Variants in GRIA1 observed in about 807,000 individuals in gnomAD.
The protein encoded by GRIA1 is glutamate ionotropic receptor AMPA type subunit 1, also known as glutamate receptor 1.
Under a neutral mutation model 99.2 loss-of-function variants are expected in GRIA1, and 31 were observed. The observed-to-expected ratio is 0.31, with a 90% confidence interval of 0.23 to 0.42. The LOEUF (loss-of-function observed/expected upper bound fraction) is 0.42. Ranked by LOEUF, GRIA1 falls within the 10% of genes least tolerant of loss-of-function variation. The pLI is 1.00. For missense variants in GRIA1, 782 were observed against 1,157.5 expected (o/e 0.68, Z 4.71); for synonymous variants, 438 against 432.4 (o/e 1.01, Z -0.16).
chr5:153,734,932 G>A lies in GRIA1; in HGVS notation c.1823+28865G>A, dbSNP rs539777583. On this transcript the variant is annotated intron_variant, in intron 11 of 15. Transcript: ENST00000285900. Reference sequence around the variant, plus strand: ...TTTGATCTGATTTACATTTTTAAAGGATCTCTCTCTAACTTAGTGGTTCTC... The same window carrying A: ...TTTGATCTGATTTACATTTTTAAAGAATCTCTCTCTAACTTAGTGGTTCTC... Among the ~76,000 whole-genome samples, 20 of 152,182 alleles carry A rather than the reference G, an allele frequency of 1.3e-4. No homozygotes were observed. The South Asian group carries it at 4.1e-3, about 32-fold the overall frequency.
Position 153,805,365 on chromosome 5 carries a change from T to C in GRIA1, c.2520+2875T>C, listed in dbSNP as rs553125563. On this transcript the variant is annotated intron_variant, in intron 15 of 15. Coordinates refer to ENST00000285900, the MANE Select transcript of GRIA1 (RefSeq NM_000827.4). ...ACATCCCACACACTGAGAGTAAGTA[T>C]TAGTAAAATTAATGTGAAATTGTAT... Among the ~76,000 whole-genome samples the C allele has an allele frequency of 1.1e-4, 16 of 152,210 alleles. 1 individual carries two copies. Among genetic ancestry groups the C allele is most frequent in the African/African-American group, 3.9e-4 (16 of 41,530 alleles).
In GRIA1 at chr5:153,579,904, A is replaced by C. The variant is rs190654410; in HGVS notation, c.221-67024A>C. Among the ~76,000 whole-genome samples, 1,134 of 152,218 alleles carry C rather than the reference A, an allele frequency of 7.4e-3. 6 individuals carry two copies. Among genetic ancestry groups the C allele is most frequent in the Non-Finnish European group, 9.8e-3 (670 of 68,024 alleles). On this transcript the variant is annotated intron_variant, in intron 2 of 15. Transcript: ENST00000285900. ...AAAAACAAACAAACAAACAAAAAAA[A>C]AAAAACAGGATCCTGAGCCTCACAT...
intron 2 of GRIA1, among the ~76,000 whole-genome samples, chr5:153,563,191 AC>A (rs763412204): frequency 2.6e-4 from 39 of 149,768 alleles, no homozygotes; most frequent in Non-Finnish European, 4.0e-4. Context: ...AAAAAAAAAA[AC>A]CTTCTTGCTT....
intron 2 of GRIA1, among the ~76,000 whole-genome samples, chr5:153,540,546 T>C (rs1466523313): frequency 6.6e-6 from 1 of 152,200 alleles, no homozygotes; most frequent in African/African-American, 2.4e-5. Flanking sequence ...GGTTCATTGA[T>C]CAACTGATTA....
intron 13 of GRIA1, among the ~76,000 whole-genome samples, chr5:153,790,554 CA>C (rs1265315159): frequency 1.5e-4 from 23 of 152,100 alleles, no homozygotes; most frequent in Admixed American, 1.5e-3. Context: ...ACTGCTTGCC[CA>C]AGACAAAGTT....
At chr5:153,629,675 A>C (rs1752789826) in intron 2 of GRIA1, among the ~76,000 whole-genome samples, 1 of 152,236 alleles carries the variant, frequency 6.6e-6, no homozygotes, top group Admixed American at 6.5e-5. Context: ...TCTGCCTTGG[A>C]CTTTTAAAAA....
intron 11 of GRIA1, among the ~76,000 whole-genome samples, chr5:153,760,982 G>T (rs1321740690): frequency 6.6e-6 from 1 of 152,072 alleles, no homozygotes; most frequent in Admixed American, 6.6e-5. Flanking sequence ...TCTACATGCA[G>T]AATTAGACTA....
intron 2 of GRIA1, among the ~76,000 whole-genome samples, chr5:153,558,447 AT>A (rs1239641908): frequency 9.9e-5 from 15 of 151,968 alleles, no homozygotes; most frequent in Non-Finnish European, 1.6e-4. Flanking sequence ...TGTTTCTATA[AT>A]TTTTTTCTTT....
intron 15 of GRIA1, among the ~76,000 whole-genome samples, 191 bp from the exon 16 acceptor site, chr5:153,810,834 G>T (rs1044451575): frequency 6.6e-6 from 1 of 152,154 alleles, no homozygotes; most frequent in Non-Finnish European, 1.5e-5. Flanking sequence ...GCTAAGAGAG[G>T]GGATCAGACA....
intron 11 of GRIA1, among the ~76,000 whole-genome samples, chr5:153,719,494 T>C (rs1309375374): frequency 6.6e-6 from 1 of 151,992 alleles, no homozygotes; most frequent in Non-Finnish European, 1.5e-5. Flanking sequence ...CCTTTACGTG[T>C]CTGGCAGCCG....
At chr5:153,653,299 A>C (rs1754706313) in intron 4 of GRIA1, among the ~76,000 whole-genome samples, 1 of 152,214 alleles carries the variant, frequency 6.6e-6, no homozygotes, top group Non-Finnish European at 1.5e-5. Flanking sequence ...AAGGCATGTC[A>C]GGAGGCCCAG....
At chr5:153,565,341 A>C (rs1325514567) in intron 2 of GRIA1, among the ~76,000 whole-genome samples, 1 of 152,220 alleles carries the variant, frequency 6.6e-6, no homozygotes, top group Non-Finnish European at 1.5e-5. Context: ...TACACTAAAC[A>C]AAGAAAAGTG....
chr5:153,635,946 C>T (rs11740548), intron 2 of GRIA1, among the ~76,000 whole-genome samples: 11,217 of 152,246 alleles, frequency 0.074, 549 homozygotes, highest in Non-Finnish European at 0.11. Context: ...GAACTCAGAA[C>T]CTCTGTCCTT....
chr5:153,620,239 G>A (rs1766905526), intron 2 of GRIA1, among the ~76,000 whole-genome samples: 1 of 151,964 alleles, frequency 6.6e-6, no homozygotes, highest in Non-Finnish European at 1.5e-5. Flanking sequence ...AACATAGAAG[G>A]AACTAGATGC....
At chr5:153,652,189 T>A (rs898847209) in intron 4 of GRIA1, among the ~76,000 whole-genome samples, 1 of 152,104 alleles carries the variant, frequency 6.6e-6, no homozygotes, top group Non-Finnish European at 1.5e-5. Flanking sequence ...ATCTGTAAAA[T>A]GTGAATGAAG....
chr5:153,717,395 G>A (rs542684855), intron 11 of GRIA1, among the ~76,000 whole-genome samples: 3 of 152,218 alleles, frequency 2.0e-5, no homozygotes, highest in East Asian at 3.9e-4. Flanking sequence ...AGCGCACTAA[G>A]GTGGATAGGG....
intron 2 of GRIA1, among the ~76,000 whole-genome samples, chr5:153,555,148 ACAC>A (rs139456585): frequency 2.2e-3 from 329 of 147,042 alleles, no homozygotes; most frequent in African/African-American, 7.8e-3. Flanking sequence ...AATAGAGTAA[ACAC>A]CTTTTTTATA....
At chr5:153,523,665 C>T (rs1297313697) in intron 2 of GRIA1, among the ~76,000 whole-genome samples, 1 of 152,178 alleles carries the variant, frequency 6.6e-6, no homozygotes, top group Non-Finnish European at 1.5e-5. Context: ...TGCCCCTTTC[C>T]TGTGACATGA....
At chr5:153,538,096 A>T (rs1438181906) in intron 2 of GRIA1, among the ~76,000 whole-genome samples, 1 of 152,196 alleles carries the variant, frequency 6.6e-6, no homozygotes, top group Non-Finnish European at 1.5e-5. Flanking sequence ...GATAAGAACC[A>T]CAGATTCTGG....
Sources: gnomAD v4.1 joint callset for allele counts (sites outside exome capture counted in the v4.1 genomes callset) on GRCh38, gnomAD v4.1.1 for gene constraint, MANE v1.5 for transcripts, NCBI Gene and HGNC (gene_info 2026-07-23, HGNC 2026-07-21) for gene names.